CSGALNACT1: variants seen among roughly 807,000 people sequenced by gnomAD.
The protein encoded by CSGALNACT1 is chondroitin sulfate N-acetylgalactosaminyltransferase 1.
In CSGALNACT1, 52 loss-of-function variants were observed where a neutral mutation model predicts 51.0. That is an observed-to-expected ratio of 1.02 (90% CI 0.82 to 1.29). The LOEUF is 1.29. Among genes scored for constraint, CSGALNACT1 ranks in the 50% most tolerant of loss-of-function variants. The pLI is 0.00. For missense variants in CSGALNACT1, 935 were observed against 679.2 expected (o/e 1.38, Z -4.19); for synonymous variants, 341 against 254.4 (o/e 1.34, Z -3.24).
intron 1 of CSGALNACT1, among the ~76,000 whole-genome samples, chr8:19,616,074 G>C (rs953242070): frequency 9.9e-5 from 15 of 152,128 alleles, no homozygotes; most frequent in Middle Eastern, 3.2e-3. Flanking sequence ...TTAAAAAAAA[G>C]TTTTGAAATA....
At chr8:19,553,617 A>C in intron 3 of CSGALNACT1, among the ~76,000 whole-genome samples, 1 of 130,758 alleles carries the variant, frequency 7.6e-6, no homozygotes. Context: ...ATGTATATAA[A>C]TACATATATA....
chr8:19,676,909 A>T (rs1589449050), intron 1 of CSGALNACT1, among the ~76,000 whole-genome samples: 1 of 152,362 alleles, frequency 6.6e-6, no homozygotes, highest in East Asian at 1.9e-4. Context: ...AAGCCCGATT[A>T]GAACTGAGAG....
chr8:19,570,293 T>C (rs2042740541), intron 3 of CSGALNACT1, among the ~76,000 whole-genome samples: 2 of 152,220 alleles, frequency 1.3e-5, no homozygotes, highest in South Asian at 2.1e-4. Flanking sequence ...ATTTTAATTA[T>C]GGGAAGCCAA....
At chr8:19,664,786 GAC>G (rs1350687932) in intron 1 of CSGALNACT1, among the ~76,000 whole-genome samples, 4 of 152,152 alleles carry the variant, frequency 2.6e-5, no homozygotes, top group Non-Finnish European at 5.9e-5. Flanking sequence ...AAATAAATCA[GAC>G]ACAGGTCAAA....
rs187873341 is a variant in CSGALNACT1, at chr8:19,531,688, A to G, written c.-296-25558T>C. ...CCTCTTCAGAGTATAGCCAAGGTGA[A>G]ATTTTTTTATCAACTGTGACTTCGG... is the stretch of plus-strand genomic sequence containing the variant. On this transcript the variant is annotated intron_variant, in intron 3 of 9. Coordinates refer to ENST00000454498, the Ensembl canonical transcript of CSGALNACT1. 4 of 152,280 alleles carry G rather than the reference A, an allele frequency of 2.6e-5. No individual in the cohort carries two copies. In the East Asian group the frequency reaches 7.7e-4, roughly 29 times the overall value. 9.4% of individuals were successfully genotyped at this position (152,280 alleles called of 1,614,324 possible).
At chr8:19,476,733 G>A (rs1306038548) in intron 4 of CSGALNACT1, among the ~76,000 whole-genome samples, 3 of 152,112 alleles carry the variant, frequency 2.0e-5, no homozygotes, top group African/African-American at 4.8e-5. Flanking sequence ...CTACCCCAAG[G>A]GTGCCACATG....
chr8:19,616,998 A>C lies in CSGALNACT1; in HGVS notation c.-543-15133T>G, dbSNP rs548528245. On this transcript the variant is annotated intron_variant, in intron 1 of 9. Coordinates refer to the CSGALNACT1 transcript ENST00000332246. ...TTATTACCACATTGTAACATATAAGAAAATAATTACACAACTCACCATAAT... is the reference window on the plus strand; with the variant it reads ...TTATTACCACATTGTAACATATAAGCAAATAATTACACAACTCACCATAAT... Among the ~76,000 whole-genome samples the C allele has an allele frequency of 3.9e-5, 6 of 152,342 alleles. No homozygotes were observed. The South Asian group carries it at 1.2e-3, about 32-fold the overall frequency.
intron 1 of CSGALNACT1, among the ~76,000 whole-genome samples, chr8:19,623,674 C>T (rs1388508279): frequency 2.6e-5 from 4 of 152,180 alleles, no homozygotes; most frequent in Non-Finnish European, 5.9e-5. Flanking sequence ...GCCAGAATAA[C>T]AGAAAGATGA....
chr8:19,633,148 G>A lies in CSGALNACT1; in HGVS notation c.-543-31283C>T, dbSNP rs568722858. 1.1e-3 allele frequency among the ~76,000 whole-genome samples: 170 copies of A among 152,190 alleles called. 1 individual carries two copies. Among genetic ancestry groups the A allele is most frequent in the African/African-American group, 3.9e-3 (162 of 41,520 alleles). ...GTAACTTTTTAAACATTTCCAGTGA[G>A]GGACCTCTGGCACAGGAGGTACTTG... On this transcript the variant is annotated intron_variant, in intron 1 of 9. Transcript: ENST00000332246.
chr8:19,482,396 C>T (rs1340890288), intron 4 of CSGALNACT1, among the ~76,000 whole-genome samples: 2 of 152,150 alleles, frequency 1.3e-5, no homozygotes, highest in Non-Finnish European at 2.9e-5. Context: ...CTTTTCTTGT[C>T]CCACGGCAAC....
At chr8:19,646,097 G>A (rs951441359) in intron 1 of CSGALNACT1, among the ~76,000 whole-genome samples, 22 of 152,180 alleles carry the variant, frequency 1.4e-4, no homozygotes, top group African/African-American at 5.1e-4. Flanking sequence ...TAAAAGAGAT[G>A]TTGAACACAA....
At chr8:19,655,689 A>G (rs1347711689) in intron 1 of CSGALNACT1, among the ~76,000 whole-genome samples, 1 of 152,110 alleles carries the variant, frequency 6.6e-6, no homozygotes, top group African/African-American at 2.4e-5. Context: ...AAGTTCTGGG[A>G]TTACAGGCAT....
intron 1 of CSGALNACT1, among the ~76,000 whole-genome samples, chr8:19,741,054 T>C (rs919900394): frequency 6.6e-6 from 1 of 152,200 alleles, no homozygotes; most frequent in African/African-American, 2.4e-5. Flanking sequence ...AGTCAAAAAC[T>C]GACTTTTGTG....
intron 4 of CSGALNACT1, among the ~76,000 whole-genome samples, chr8:19,500,099 G>C (rs1437554946): frequency 6.6e-6 from 1 of 152,190 alleles, no homozygotes; most frequent in South Asian, 2.1e-4. Flanking sequence ...GCAGTAAAAG[G>C]ATAGAGGGGC....
chr8:19,511,887 G>C (rs1043584208), intron 3 of CSGALNACT1, among the ~76,000 whole-genome samples: 5 of 152,328 alleles, frequency 3.3e-5, no homozygotes, highest in African/African-American at 9.6e-5. Flanking sequence ...CAGCAGAAGA[G>C]ACAGAAGGGG....
At chr8:19,546,961 T>C (rs2086621553) in intron 3 of CSGALNACT1, among the ~76,000 whole-genome samples, 1 of 152,248 alleles carries the variant, frequency 6.6e-6, no homozygotes, top group Non-Finnish European at 1.5e-5. Flanking sequence ...TGAGAGTAGC[T>C]GAATCATCCA....
At chr8:19,441,460 A>C (rs368481724) in intron 5 of CSGALNACT1, among the ~76,000 whole-genome samples, 12 of 152,204 alleles carry the variant, frequency 7.9e-5, no homozygotes, top group Admixed American at 6.5e-4. Flanking sequence ...CAAAAACAAG[A>C]AATGGGGAAA....
intron 4 of CSGALNACT1, among the ~76,000 whole-genome samples, chr8:19,469,657 C>T (rs866636059): frequency 6.6e-6 from 1 of 152,170 alleles, no homozygotes; most frequent in Non-Finnish European, 1.5e-5. Flanking sequence ...GGCACGGCTA[C>T]ATCCTTCCTA....
chr8:19,536,624 TA>T (rs1031785568), intron 3 of CSGALNACT1, among the ~76,000 whole-genome samples: 1 of 152,136 alleles, frequency 6.6e-6, no homozygotes, highest in Non-Finnish European at 1.5e-5. Context: ...ATAACTCCTA[TA>T]AAAAATCTCA....
Sources: allele counts gnomAD v4.1 joint callset (sites outside exome capture counted in the v4.1 genomes callset), GRCh38; gene constraint gnomAD v4.1.1; transcripts MANE v1.5; gene names NCBI Gene and HGNC (gene_info 2026-07-23, HGNC 2026-07-21).